Variants in OXR1 observed in about 807,000 individuals in gnomAD.
OXR1 encodes oxidation resistance 1.
OXR1 carries 41 observed loss-of-function variants against 104.6 expected under a neutral mutation model. The ratio of observed to expected loss-of-function variants is 0.39; its 90% CI spans 0.31 to 0.51. The LOEUF is 0.51. Among genes scored for constraint, OXR1 ranks in the 20% least tolerant of loss-of-function variants. The pLI, the probability that OXR1 is intolerant of heterozygous loss-of-function variation, is 0.77. For missense variants in OXR1, 955 were observed against 1,031.9 expected (o/e 0.93, Z 1.02); for synonymous variants, 348 against 348.4 (o/e 1.00, Z 0.01).
At chr8:106,406,352 C>CAT (rs200894645) in intron 2 of OXR1, among the ~76,000 whole-genome samples, 2,038 of 151,640 alleles carry the variant, frequency 0.013, 26 homozygotes, top group Admixed American at 0.023. Context: ...TTTACTTATT[C>CAT]ATATATATAT....
At chr8:106,696,249 C>A (rs1830019527) in intron 7 of OXR1, among the ~76,000 whole-genome samples, 1 of 152,126 alleles carries the variant, frequency 6.6e-6, no homozygotes, top group Non-Finnish European at 1.5e-5. Context: ...ATATTGGCTT[C>A]TTTCACTTAG....
intron 2 of OXR1, among the ~76,000 whole-genome samples, chr8:106,362,272 A>G (rs540587357): frequency 6.6e-6 from 1 of 152,176 alleles, no homozygotes; most frequent in African/African-American, 2.4e-5. Context: ...TTAGTTGACC[A>G]TATCCACGTG....
chr8:106,627,493 G>C (rs563601603), intron 3 of OXR1, among the ~76,000 whole-genome samples: 8 of 152,050 alleles, frequency 5.3e-5, no homozygotes, highest in Non-Finnish European at 8.8e-5. Flanking sequence ...TTCTATATTT[G>C]TGTTTTACAT....
intron 3 of OXR1, among the ~76,000 whole-genome samples, chr8:106,678,988 A>G (rs887138609): frequency 6.6e-6 from 1 of 151,972 alleles, no homozygotes; most frequent in African/African-American, 2.4e-5. Context: ...GTTGACTTGC[A>G]ATTATTCTAT....
chr8:106,581,166 A>G, intron 3 of OXR1: 1 of 1,275,900 alleles, frequency 7.8e-7, no homozygotes, highest in South Asian at 1.3e-5. Flanking sequence ...TGAAATAGCA[A>G]GAACATTTGA....
At chr8:106,639,639 C>G (rs537530751) in intron 3 of OXR1, among the ~76,000 whole-genome samples, 1 of 152,238 alleles carries the variant, frequency 6.6e-6, no homozygotes, top group Non-Finnish European at 1.5e-5. Flanking sequence ...ATTTTCAAGT[C>G]TAATTTAAGG....
chr8:106,463,824 C>A (rs1392422886), intron 2 of OXR1, among the ~76,000 whole-genome samples: 1 of 152,010 alleles, frequency 6.6e-6, no homozygotes, highest in Non-Finnish European at 1.5e-5. Flanking sequence ...AGGAAGAGCT[C>A]AATAAATGCT....
intron 3 of OXR1, among the ~76,000 whole-genome samples, chr8:106,626,664 T>C (rs1822198382): frequency 6.6e-6 from 1 of 151,154 alleles, no homozygotes; most frequent in African/African-American, 2.4e-5. Context: ...TTTAAAAAAA[T>C]TATTTCACTT....
chr8:106,606,477 T>C (rs1820405008), intron 3 of OXR1, among the ~76,000 whole-genome samples: 1 of 150,720 alleles, frequency 6.6e-6, no homozygotes, highest in South Asian at 2.1e-4. Flanking sequence ...ATTTTTTTTT[T>C]TTTTTTGTAT....
Position 106,488,699 on chromosome 8 carries a change from G to C in OXR1, c.24-30244G>C, listed in dbSNP as rs1427676206. ...ATAGGGAATCCTTTCCCCATTGCTT[G>C]TTTTTCTCAGGTTTGTCAAAGATCA... On this transcript the variant is annotated intron_variant, in intron 2 of 16. Coordinates refer to ENST00000517566, the MANE Select transcript of OXR1 (RefSeq NM_001198533.2). 4.2e-5 allele frequency among the ~76,000 whole-genome samples: 6 copies of C among 142,952 alleles called. No individual in the cohort carries two copies. In the East Asian group the frequency reaches 1.3e-3, roughly 30 times the overall value. 93.8% of individuals were successfully genotyped at this position (142,952 alleles called of 152,430 possible).
chr8:106,429,875 C>T (rs1819289481), intron 2 of OXR1, among the ~76,000 whole-genome samples: 1 of 151,934 alleles, frequency 6.6e-6, no homozygotes, highest in African/African-American at 2.4e-5. Context: ...TTATGAATAT[C>T]TTCCAATATT....
intron 15 of OXR1, among the ~76,000 whole-genome samples, chr8:106,744,806 G>A (rs1236436093): frequency 6.6e-6 from 1 of 152,062 alleles, no homozygotes; most frequent in East Asian, 1.9e-4. Context: ...CTCAAGAAAA[G>A]GAATCAACAC....
intron 3 of OXR1, among the ~76,000 whole-genome samples, chr8:106,579,929 C>T (rs1380617367): frequency 2.6e-5 from 4 of 152,010 alleles, no homozygotes; most frequent in Admixed American, 2.6e-4. Context: ...GAAGCATGTG[C>T]ATTCTGATTG....
chr8:106,621,670 A>T (rs1423620419), intron 3 of OXR1, among the ~76,000 whole-genome samples: 1 of 152,174 alleles, frequency 6.6e-6, no homozygotes, highest in African/African-American at 2.4e-5. Context: ...TATATGTGTT[A>T]CTTTTGAGGA....
At chr8:106,650,189 A>C (rs566183001) in intron 3 of OXR1, among the ~76,000 whole-genome samples, 53 of 152,202 alleles carry the variant, frequency 3.5e-4, no homozygotes, top group Non-Finnish European at 5.0e-4. Context: ...TTTTACAGGC[A>C]CTCTTGTAGG....
intron 1 of OXR1, among the ~76,000 whole-genome samples, chr8:106,304,250 G>A (rs1049135602): frequency 3.3e-5 from 5 of 152,050 alleles, no homozygotes; most frequent in Admixed American, 3.3e-4. Context: ...TCTTTTGCTT[G>A]AAGACATATT....
chr8:106,567,415 C>A (rs1395090198), intron 3 of OXR1, among the ~76,000 whole-genome samples: 7 of 152,126 alleles, frequency 4.6e-5, no homozygotes, highest in Non-Finnish European at 4.4e-5. Context: ...GGGGGAGATA[C>A]TTAGTTTAAT....
chr8:106,700,360 A>T (rs1227528047), intron 7 of OXR1, among the ~76,000 whole-genome samples: 1 of 152,186 alleles, frequency 6.6e-6, no homozygotes, highest in African/African-American at 2.4e-5. Context: ...CATGAATTTT[A>T]TGTTGAAGAA....
At chr8:106,360,420 A>G (rs987118682) in intron 2 of OXR1, among the ~76,000 whole-genome samples, 2 of 152,270 alleles carry the variant, frequency 1.3e-5, no homozygotes, top group Admixed American at 6.5e-5. Context: ...TTGCTCTTCA[A>G]TTTGTGCTGG....
Sources: allele counts gnomAD v4.1 joint callset (sites outside exome capture counted in the v4.1 genomes callset), GRCh38; gene constraint gnomAD v4.1.1; transcripts MANE v1.5; gene names NCBI Gene and HGNC (gene_info 2026-07-23, HGNC 2026-07-21).